CTNNA3: variants seen among roughly 807,000 people sequenced by gnomAD.
CTNNA3 encodes catenin alpha 3.
In CTNNA3, 76 loss-of-function variants were observed where a neutral mutation model predicts 95.7. That is an observed-to-expected ratio of 0.79 (90% CI 0.66 to 0.96). CTNNA3 has a LOEUF of 0.96. Ranked by LOEUF, CTNNA3 falls within the 40% of genes least tolerant of loss-of-function variation. The pLI is 0.00. For synonymous variants in CTNNA3, 431 were observed against 374.4 expected, an observed-to-expected ratio of 1.15 and a Z score of -1.74; for missense variants, 1,191 against 1,089.8, an observed-to-expected ratio of 1.09 and a Z score of -1.31.
intron 12 of CTNNA3, among the ~76,000 whole-genome samples, chr10:66,352,562 C>G (rs1038472111): frequency 6.6e-6 from 1 of 152,152 alleles, no homozygotes; most frequent in South Asian, 2.1e-4. Flanking sequence ...TCTAGCCTAA[C>G]ACCATTGTAT....
At chr10:66,183,114 A>G (rs923609043) in intron 13 of CTNNA3, among the ~76,000 whole-genome samples, 2 of 152,192 alleles carry the variant, frequency 1.3e-5, no homozygotes, top group Non-Finnish European at 2.9e-5. Context: ...CTGGAGAAAA[A>G]CTACTCACAG....
At chr10:66,483,902 T>G (rs937390987) in intron 11 of CTNNA3, among the ~76,000 whole-genome samples, 3 of 152,114 alleles carry the variant, frequency 2.0e-5, no homozygotes, top group African/African-American at 7.2e-5. Flanking sequence ...AAGATCTATC[T>G]GAAAAAGTCA....
At chr10:66,212,987 G>A (rs1284637270) in intron 13 of CTNNA3, among the ~76,000 whole-genome samples, 2 of 152,138 alleles carry the variant, frequency 1.3e-5, no homozygotes, top group Non-Finnish European at 2.9e-5. Context: ...CTGCACTAGA[G>A]CCTAGGTGGT....
chr10:66,874,444 C>T (rs1290794917), intron 7 of CTNNA3, among the ~76,000 whole-genome samples: 1 of 152,160 alleles, frequency 6.6e-6, no homozygotes, highest in Non-Finnish European at 1.5e-5. Context: ...AAATATGTGA[C>T]AGTACCTACT....
In CTNNA3 at chr10:67,228,027, G is replaced by A. The variant is rs963324873; in HGVS notation, c.580-8157C>T. ...AAAACCTCTGGGATACAGCAAAGGCGGTGCTAAGAGGAAAGTTCACAGCCC... is the reference window on the plus strand; with the variant it reads ...AAAACCTCTGGGATACAGCAAAGGCAGTGCTAAGAGGAAAGTTCACAGCCC... On this transcript the variant is annotated intron_variant, in intron 5 of 17. Transcript: ENST00000433211. 1.1e-4 allele frequency among the ~76,000 whole-genome samples: 17 copies of A among 152,082 alleles called. 1 individual carries two copies. The highest frequency in any genetic ancestry group is 9.8e-4 in the Admixed American group (15 of 15,278).
At position 66,922,390 on chromosome 10, in the gene CTNNA3, T is replaced by G. The variant is rs369501070; in HGVS notation, c.1048-146866A>C. Among the ~76,000 whole-genome samples, 4 of 152,316 alleles carry G rather than the reference T, an allele frequency of 2.6e-5. No individual in the cohort carries two copies. In the South Asian group the frequency reaches 8.3e-4, roughly 32 times the overall value. On this transcript the variant is annotated intron_variant, in intron 7 of 17. Transcript: ENST00000433211. ...AAAGTATACAGGCAAATTACTAAAA[T>G]CTTTTAGAACACAGTCTTTTCTTTT...
intron 12 of CTNNA3, among the ~76,000 whole-genome samples, chr10:66,292,237 C>T (rs1421659676): frequency 6.6e-6 from 1 of 152,036 alleles, no homozygotes; most frequent in African/African-American, 2.4e-5. Context: ...CTATGTCCTG[C>T]TGATTCGGCC....
chr10:66,830,861 G>A (rs1842697194), intron 7 of CTNNA3, among the ~76,000 whole-genome samples: 2 of 151,952 alleles, frequency 1.3e-5, no homozygotes, highest in African/African-American at 2.4e-5. Context: ...CGCCTGCCTC[G>A]GCCTCCCAAA....
chr10:67,509,895 G>C (rs1839555505), intron 5 of CTNNA3, among the ~76,000 whole-genome samples: 1 of 152,196 alleles, frequency 6.6e-6, no homozygotes, highest in African/African-American at 2.4e-5. Flanking sequence ...TAACTGGCGT[G>C]AGATGGTATC....
At chr10:66,634,212 A>G (rs893370978) in intron 9 of CTNNA3, among the ~76,000 whole-genome samples, 1 of 152,182 alleles carries the variant, frequency 6.6e-6, no homozygotes, top group Admixed American at 6.5e-5. Context: ...AATTTTTAAT[A>G]CCAATCAAGA....
chr10:65,982,388 C>T (rs1903869), intron 16 of CTNNA3, among the ~76,000 whole-genome samples: 117,643 of 151,240 alleles, frequency 0.78, 46,062 homozygotes, highest in Non-Finnish European at 0.84. Context: ...AAGGGAACAC[C>T]TTTACACTGT....
intron 13 of CTNNA3, among the ~76,000 whole-genome samples, chr10:66,111,893 T>A (rs943889097): frequency 2.2e-4 from 33 of 152,350 alleles, no homozygotes; most frequent in African/African-American, 7.7e-4. Context: ...AGACTTTTCC[T>A]ATGCTTAAAT....
chr10:67,206,571 GAA>G (rs1181058926), intron 6 of CTNNA3, among the ~76,000 whole-genome samples: 2 of 151,014 alleles, frequency 1.3e-5, no homozygotes, highest in African/African-American at 4.9e-5. Context: ...GGGAAAGGAA[GAA>G]AAGAGGGAGG....
Position 67,219,599 on chromosome 10 carries a change from C to T in CTNNA3, c.843+8G>A, listed in dbSNP as rs755796270. The T allele has an allele frequency of 1.3e-5, 21 of 1,607,288 alleles. No homozygotes were observed. Among genetic ancestry groups the T allele is most frequent in the South Asian group, 7.8e-5 (7 of 90,174 alleles). ...ATCAGATCACACTTTATCTTTCTCC[C>T]GACTTACCTCCAGCTCATCAAGGGC... On this transcript the variant is annotated splice_region_variant and intron_variant, in intron 6 of 17. Transcript: ENST00000433211.
At chr10:67,516,247 A>G (rs981034875) in intron 5 of CTNNA3, among the ~76,000 whole-genome samples, 23 of 152,310 alleles carry the variant, frequency 1.5e-4, no homozygotes, top group African/African-American at 4.1e-4. Context: ...CCCAATGGAA[A>G]GTTAGTCCCT....
At chr10:66,407,817 G>A (rs976041195) in intron 11 of CTNNA3, among the ~76,000 whole-genome samples, 18 of 152,132 alleles carry the variant, frequency 1.2e-4, no homozygotes, top group African/African-American at 3.6e-4. Flanking sequence ...CTGACCTTGC[G>A]ATCCACCCGC....
intron 10 of CTNNA3, among the ~76,000 whole-genome samples, chr10:66,595,239 T>A (rs962093233): frequency 6.6e-6 from 1 of 152,088 alleles, no homozygotes; most frequent in Non-Finnish European, 1.5e-5. Flanking sequence ...TCTCACCAAG[T>A]GCCAAGAGAG....
At chr10:66,558,537 C>T (rs757348916) in intron 10 of CTNNA3, among the ~76,000 whole-genome samples, 1 of 152,116 alleles carries the variant, frequency 6.6e-6, no homozygotes, top group Non-Finnish European at 1.5e-5. Flanking sequence ...CTAGGTATCA[C>T]ATATTGCATA....
chr10:66,897,911 C>T (rs1845565923), intron 7 of CTNNA3, among the ~76,000 whole-genome samples: 6 of 152,056 alleles, frequency 3.9e-5, no homozygotes. Flanking sequence ...ACTGTGGATA[C>T]AAAAGGAACC....
Sources: gnomAD v4.1 joint callset for allele counts (sites outside exome capture counted in the v4.1 genomes callset) on GRCh38, gnomAD v4.1.1 for gene constraint, MANE v1.5 for transcripts, NCBI Gene and HGNC (gene_info 2026-07-23, HGNC 2026-07-21) for gene names.